Variants in EXT1 observed in about 807,000 individuals in gnomAD.
EXT1 encodes exostosin-1.
Under a neutral mutation model 82.5 loss-of-function variants are expected in EXT1, and 20 were observed. The ratio of observed to expected loss-of-function variants is 0.24; its 90% CI spans 0.17 to 0.35. EXT1 has a LOEUF of 0.35. Ranked by LOEUF, EXT1 falls within the 10% of genes least tolerant of loss-of-function variation. EXT1 has a pLI of 1.00. For missense variants in EXT1, 757 were observed against 936.5 expected, an observed-to-expected ratio of 0.81 and a Z score of 2.50; for synonymous variants, 348 against 350.8, an observed-to-expected ratio of 0.99 and a Z score of 0.09.
chr8:118,002,972 C>A (rs1393414194), intron 1 of EXT1, among the ~76,000 whole-genome samples: 4 of 152,012 alleles, frequency 2.6e-5, no homozygotes, highest in Non-Finnish European at 5.9e-5. Context: ...AAATATGGAA[C>A]CAGCACAAAC....
chr8:117,825,052 T>C (rs1811987925), intron 4 of EXT1, among the ~76,000 whole-genome samples: 1 of 151,962 alleles, frequency 6.6e-6, no homozygotes. Flanking sequence ...TTTTATTTTT[T>C]GTAGAGATAA....
At chr8:118,067,674 G>A (rs1392432507) in intron 1 of EXT1, among the ~76,000 whole-genome samples, 2 of 152,188 alleles carry the variant, frequency 1.3e-5, no homozygotes, top group African/African-American at 2.4e-5. Flanking sequence ...TTAAATTAAC[G>A]ATCCAGCAAT....
At chr8:117,915,452 C>T (rs1813729938) in intron 1 of EXT1, among the ~76,000 whole-genome samples, 1 of 151,944 alleles carries the variant, frequency 6.6e-6, no homozygotes. Flanking sequence ...TACCACAATG[C>T]TTTTAATCAA....
chr8:118,073,632 A>AAGAAG (rs200527277), intron 1 of EXT1, among the ~76,000 whole-genome samples: 6,863 of 89,234 alleles, frequency 0.077, 394 homozygotes, highest in Middle Eastern at 0.092. Flanking sequence ...AGAGAAGAGA[A>AAGAAG]AGAAGAGAAG....
chr8:118,094,855 G>A (rs976843018), intron 1 of EXT1, among the ~76,000 whole-genome samples: 5 of 152,160 alleles, frequency 3.3e-5, no homozygotes, highest in Non-Finnish European at 5.9e-5. Context: ...AACCTCCCTG[G>A]ATCTCTACTT....
chr8:117,880,594 C>CT (rs58814828), intron 1 of EXT1, among the ~76,000 whole-genome samples: 42,975 of 142,400 alleles, frequency 0.3, 6,897 homozygotes, highest in African/African-American at 0.42. Context: ...CCTCTTTTTT[C>CT]TTTTTTTTTT....
chr8:118,042,379 C>T (rs756380150), intron 1 of EXT1, among the ~76,000 whole-genome samples: 1 of 152,114 alleles, frequency 6.6e-6, no homozygotes, highest in Non-Finnish European at 1.5e-5. Context: ...CTGTAACCTC[C>T]GCCTCCTGAT....
intron 1 of EXT1, among the ~76,000 whole-genome samples, chr8:117,862,615 T>C (rs1484678287): frequency 6.9e-6 from 1 of 145,260 alleles, no homozygotes; most frequent in African/African-American, 2.4e-5. Flanking sequence ...GAATTGGATG[T>C]TAGATCTACA....
chr8:117,831,655 T>G (rs1267068309), intron 3 of EXT1: 1 of 471,190 alleles, frequency 2.1e-6, no homozygotes, highest in Non-Finnish European at 4.4e-6. Context: ...TATGGGAGTC[T>G]GAGCAAGAAG....
intron 1 of EXT1, among the ~76,000 whole-genome samples, chr8:118,093,624 T>G (rs904002018): frequency 2.0e-5 from 3 of 152,220 alleles, no homozygotes; most frequent in African/African-American, 7.2e-5. Context: ...AGGAATCAGA[T>G]CACATCTGGA....
At chr8:117,819,215 C>T (rs1031143471) in intron 6 of EXT1, among the ~76,000 whole-genome samples, 1 of 152,130 alleles carries the variant, frequency 6.6e-6, no homozygotes, top group African/African-American at 2.4e-5. Context: ...TAGGCATAAT[C>T]GTCTGCTCCC....
At chr8:117,855,901 C>T (rs1313864162) in intron 1 of EXT1, among the ~76,000 whole-genome samples, 1 of 152,180 alleles carries the variant, frequency 6.6e-6, no homozygotes, top group Non-Finnish European at 1.5e-5. Context: ...AACACCCGAC[C>T]TCAGGTGATC....
chr8:118,013,037 T>C (rs1815933067), intron 1 of EXT1, among the ~76,000 whole-genome samples: 1 of 152,058 alleles, frequency 6.6e-6, no homozygotes, highest in Non-Finnish European at 1.5e-5. Context: ...TGTTCACTGA[T>C]GTTTTTTTTT....
At chr8:117,900,281 T>C (rs773724359) in intron 1 of EXT1, among the ~76,000 whole-genome samples, 7 of 152,202 alleles carry the variant, frequency 4.6e-5, no homozygotes, top group Non-Finnish European at 5.9e-5. Flanking sequence ...TCGGTACTGT[T>C]TCTCCCCAAA....
At chr8:117,804,154 GA>G (rs1469320333) in intron 10 of EXT1, among the ~76,000 whole-genome samples, 2 of 152,176 alleles carry the variant, frequency 1.3e-5, no homozygotes, top group Non-Finnish European at 2.9e-5. Context: ...TTAATGTGAT[GA>G]TATTTGCAGG....
At chr8:117,830,173 G>A in intron 4 of EXT1, 57 bp downstream of exon 4, 1 of 1,610,250 alleles carries the variant, frequency 6.2e-7, no homozygotes. Context: ...ACAGAAGGCT[G>A]AGAGAAGTGT....
chr8:118,048,609 C>T (rs1402562668), intron 1 of EXT1, among the ~76,000 whole-genome samples: 6 of 152,272 alleles, frequency 3.9e-5, no homozygotes, highest in African/African-American at 1.4e-4. Context: ...AGGGTATTTA[C>T]TTTGCATTCC....
At position 117,796,991 on chromosome 8, in the gene EXT1, T is replaced by C. The variant is rs1426763533; in HGVS notation, c.*2721A>G. The C allele has an allele frequency of 6.6e-6, 1 of 152,254 alleles. No individual in the cohort carries two copies. Among genetic ancestry groups the C allele is most frequent in the Admixed American group, 6.5e-5 (1 of 15,286 alleles). The allele number at this position is 152,254 out of a possible 1,614,324, so 9.4% of individuals were successfully genotyped here. On this transcript the variant is annotated 3_prime_UTR_variant, in exon 11 of 11. Transcript: ENST00000378204. Reference sequence around the variant, plus strand: ...CTTTGGAATTTCTGCAAGCAATTCATTACGTGGTTGGCACTGTACTCTCAG... The same window carrying C: ...CTTTGGAATTTCTGCAAGCAATTCACTACGTGGTTGGCACTGTACTCTCAG...
chr8:118,035,541 CTT>C (rs753066564), intron 1 of EXT1, among the ~76,000 whole-genome samples: 1 of 151,890 alleles, frequency 6.6e-6, no homozygotes, highest in Non-Finnish European at 1.5e-5. Flanking sequence ...AAAAAACAGA[CTT>C]TTCCCCGGAA....
Sources: allele counts gnomAD v4.1 joint callset (sites outside exome capture counted in the v4.1 genomes callset), GRCh38; gene constraint gnomAD v4.1.1; transcripts MANE v1.5; gene names NCBI Gene and HGNC (gene_info 2026-07-23, HGNC 2026-07-21).